MACROD2: variants seen among roughly 807,000 people sequenced by gnomAD.
MACROD2 encodes the protein mono-ADP ribosylhydrolase 2, also known as ADP-ribose glycohydrolase MACROD2.
Under a neutral mutation model 70.4 loss-of-function variants are expected in MACROD2, and 36 were observed. The ratio of observed to expected loss-of-function variants is 0.51; its 90% confidence interval spans 0.39 to 0.68. The LOEUF (loss-of-function observed/expected upper bound fraction) is 0.68, where lower values mean the gene tolerates loss of function less well. Ranked by LOEUF, MACROD2 falls within the 30% of genes least tolerant of loss-of-function variation. The pLI is 0.00. For synonymous variants in MACROD2, 172 were observed against 178.8 expected, an observed-to-expected ratio of 0.96 and a Z score of 0.30; for missense variants, 496 against 538.4, an observed-to-expected ratio of 0.92 and a Z score of 0.78.
intron 5 of MACROD2, among the ~76,000 whole-genome samples, chr20:15,130,912 T>C (rs114387052): frequency 4.3e-4 from 66 of 152,172 alleles, no homozygotes; most frequent in African/African-American, 1.5e-3. Context: ...AGGCACTGAA[T>C]TGATTCCCAA....
intron 5 of MACROD2, among the ~76,000 whole-genome samples, chr20:15,147,657 T>C (rs536151061): frequency 2.3e-4 from 35 of 152,292 alleles, no homozygotes; most frequent in African/African-American, 8.2e-4. Context: ...GACTAATCAT[T>C]GCCTCTGTCT....
chr20:14,277,422 A>G (rs2082269180), intron 3 of MACROD2, among the ~76,000 whole-genome samples: 2 of 152,248 alleles, frequency 1.3e-5, no homozygotes, highest in Non-Finnish European at 2.9e-5. Flanking sequence ...CAGCGTGGTG[A>G]CAGAGTGAGA....
At chr20:15,840,777 A>G (rs1328647516) in intron 8 of MACROD2, among the ~76,000 whole-genome samples, 1 of 152,182 alleles carries the variant, frequency 6.6e-6, no homozygotes, top group Non-Finnish European at 1.5e-5. Context: ...AATGGAAGCT[A>G]TAAAAAAATT....
At chr20:15,371,335 T>G (rs1391716927) in intron 6 of MACROD2, among the ~76,000 whole-genome samples, 1 of 152,122 alleles carries the variant, frequency 6.6e-6, no homozygotes, top group East Asian at 1.9e-4. Flanking sequence ...AGAGACAATT[T>G]CCAAAGTAAG....
chr20:15,073,913 T>C (rs999774705), intron 5 of MACROD2, among the ~76,000 whole-genome samples: 2 of 152,188 alleles, frequency 1.3e-5, no homozygotes, highest in African/African-American at 4.8e-5. Flanking sequence ...AAAAATGATG[T>C]ACTTTTAGAA....
chr20:14,234,426 T>A (rs2081849990), intron 3 of MACROD2, among the ~76,000 whole-genome samples: 1 of 152,198 alleles, frequency 6.6e-6, no homozygotes, highest in African/African-American at 2.4e-5. Context: ...GTACCTTAGT[T>A]ATTCTTAGTT....
In MACROD2 at chr20:15,878,554, T is replaced by C. The variant is rs2064708256; in HGVS notation, c.728-7210T>C. On this transcript the variant is annotated intron_variant, in intron 9 of 17. Transcript: ENST00000684519. ...CTACGGGGTTTTCTTTGCTTGTTTT[T>C]GTTTATTTCACTTCCCCAAAAGACT... Among the ~76,000 whole-genome samples the C allele has an allele frequency of 3.9e-5, 6 of 152,124 alleles. 1 individual carries two copies. In the South Asian group the frequency reaches 8.3e-4, roughly 21 times the overall value.
chr20:14,067,205 C>G (rs2053774910), intron 2 of MACROD2, among the ~76,000 whole-genome samples: 1 of 141,166 alleles, frequency 7.1e-6, no homozygotes, highest in Admixed American at 7.5e-5. Flanking sequence ...CTCACTGCAA[C>G]CTCTGCCTCC....
chr20:15,102,552 G>C (rs1288334776), intron 5 of MACROD2, among the ~76,000 whole-genome samples: 2 of 151,962 alleles, frequency 1.3e-5, no homozygotes, highest in Non-Finnish European at 2.9e-5. Context: ...GAATAGAAAA[G>C]AGTGGGAAGT....
At chr20:14,410,512 A>T (rs575297204) in intron 3 of MACROD2, among the ~76,000 whole-genome samples, 1 of 152,050 alleles carries the variant, frequency 6.6e-6, no homozygotes, top group Non-Finnish European at 1.5e-5. Context: ...TGCGTTTAGG[A>T]TGATGGCCTT....
chr20:14,942,846 C>T (rs1405911710), intron 5 of MACROD2, among the ~76,000 whole-genome samples: 1 of 152,184 alleles, frequency 6.6e-6, no homozygotes, highest in Non-Finnish European at 1.5e-5. Context: ...CTTGCTTTAT[C>T]TTTCCACTGT....
chr20:14,000,262 T>C (rs930163799), intron 1 of MACROD2, among the ~76,000 whole-genome samples: 4 of 152,162 alleles, frequency 2.6e-5, no homozygotes, highest in Admixed American at 6.5e-5. Context: ...ACTTCTTCAA[T>C]GTCCTATAGG....
chr20:15,177,209 C>T (rs538833301), intron 5 of MACROD2, among the ~76,000 whole-genome samples: 4 of 152,240 alleles, frequency 2.6e-5, no homozygotes, highest in South Asian at 2.1e-4. Flanking sequence ...GCCCAGTGGG[C>T]GTGAACAATA....
At chr20:14,485,552 T>G (rs187182748) in intron 3 of MACROD2, among the ~76,000 whole-genome samples, 9,346 of 151,624 alleles carry the variant, frequency 0.062, 407 homozygotes, top group Non-Finnish European at 0.088. Flanking sequence ...ATACAAAAAA[T>G]TAGCCGGGCG....
chr20:16,026,655 C>T (rs1194898024), intron 15 of MACROD2, among the ~76,000 whole-genome samples: 1 of 152,140 alleles, frequency 6.6e-6, no homozygotes, highest in Non-Finnish European at 1.5e-5. Flanking sequence ...AGAAGTCATG[C>T]CACTTCTCTG....
intron 3 of MACROD2, among the ~76,000 whole-genome samples, chr20:14,307,012 AACACACACACACAC>A (rs3044626): frequency 3.4e-5 from 5 of 148,196 alleles, no homozygotes; most frequent in African/African-American, 1.2e-4. Context: ...ACTAAATGTA[AACACACACACACAC>A]ACACACACAC....
chr20:15,477,072 C>T (rs1164915251), intron 7 of MACROD2, among the ~76,000 whole-genome samples: 9 of 147,614 alleles, frequency 6.1e-5, no homozygotes, highest in African/African-American at 1.7e-4. Flanking sequence ...TTTTGCTCCC[C>T]TTTTCCATTC....
intron 4 of MACROD2, among the ~76,000 whole-genome samples, chr20:14,522,357 G>A (rs1336511090): frequency 6.6e-6 from 1 of 151,914 alleles, no homozygotes; most frequent in Admixed American, 6.6e-5. Flanking sequence ...TAAAATAAAA[G>A]CAAAACCCTG....
intron 5 of MACROD2, among the ~76,000 whole-genome samples, chr20:14,827,967 A>T (rs955087092): frequency 2.0e-5 from 3 of 151,988 alleles, no homozygotes; most frequent in African/African-American, 4.8e-5. Flanking sequence ...TGATCACACC[A>T]TCTTTTGTTT....
Sources: allele counts gnomAD v4.1 joint callset (sites outside exome capture counted in the v4.1 genomes callset), GRCh38; gene constraint gnomAD v4.1.1; transcripts MANE v1.5; gene names NCBI Gene and HGNC (gene_info 2026-07-23, HGNC 2026-07-21).